Variants in UXS1 observed in about 807,000 individuals in gnomAD.
UXS1 encodes the protein UDP-glucuronic acid decarboxylase 1.
A neutral mutation model predicts 62.6 loss-of-function variants in UXS1; 33 were observed. The observed-to-expected ratio is 0.53, with a 90% CI of 0.40 to 0.70. The LOEUF (loss-of-function observed/expected upper bound fraction) is 0.70. UXS1 is among the 30% of genes least tolerant of loss of function. The pLI is 0.00. For missense variants in UXS1, 434 were observed against 556.3 expected (o/e 0.78, Z 2.21); for synonymous variants, 213 against 206.8 (o/e 1.03, Z -0.26).
chr2:106,178,757 C>A (rs1229440167), intron 1 of UXS1, among the ~76,000 whole-genome samples: 2 of 148,912 alleles, frequency 1.3e-5, no homozygotes, highest in Admixed American at 6.7e-5. Flanking sequence ...CACCCCCAGC[C>A]CCCTTTCCCC....
chr2:106,104,124 G>A (rs1677844758), intron 11 of UXS1, among the ~76,000 whole-genome samples: 2 of 152,128 alleles, frequency 1.3e-5, no homozygotes, highest in Non-Finnish European at 2.9e-5. Context: ...CAACAATTCA[G>A]GATACCAGAA....
intron 3 of UXS1, 39 bp downstream of exon 3, chr2:106,164,697 T>C (rs1683104936): frequency 3.5e-6 from 5 of 1,430,586 alleles, no homozygotes; most frequent in South Asian, 2.5e-5. Context: ...TTGACAAGTA[T>C]ACAGATGAAA....
chr2:106,178,959 G>A (rs931124383), intron 1 of UXS1, among the ~76,000 whole-genome samples: 1 of 152,218 alleles, frequency 6.6e-6, no homozygotes, highest in African/African-American at 2.4e-5. Flanking sequence ...GCAGGGCGGT[G>A]TTGATAAAGC....
Position 106,112,700 on chromosome 2 carries a change from ATCGT to A in UXS1, c.821_824del (p.Asn274MetfsTer4). ...GGATGAAGTTGCTGACTACTCGCCC[ATCGT>A]TCATGTGCATGCGTGGCCCAAAGGT... is the stretch of plus-strand genomic sequence containing the variant. On this transcript the variant is annotated frameshift_variant, in exon 10 of 15. Transcript: ENST00000283148. LOFTEE classifies it high-confidence loss of function. 1 of 1,613,962 alleles carries A rather than the reference ATCGT, an allele frequency of 6.2e-7. No homozygotes were observed. Among genetic ancestry groups the A allele is most frequent in the Non-Finnish European group, 8.5e-7 (1 of 1,179,878 alleles).
At chr2:106,144,840 C>T (rs1681432635) in intron 6 of UXS1, among the ~76,000 whole-genome samples, 1 of 152,162 alleles carries the variant, frequency 6.6e-6, no homozygotes, top group Non-Finnish European at 1.5e-5. Flanking sequence ...CCAAAGGCCC[C>T]ACCTCCTAAT....
chr2:106,184,587 G>T (rs1256832256), intron 1 of UXS1, among the ~76,000 whole-genome samples: 1 of 152,124 alleles, frequency 6.6e-6, no homozygotes, highest in Admixed American at 6.5e-5. Context: ...ATTCACAGAC[G>T]GTGCCTTCTT....
intron 1 of UXS1, among the ~76,000 whole-genome samples, chr2:106,188,192 C>T (rs1684694957): frequency 6.6e-6 from 1 of 152,196 alleles, no homozygotes; most frequent in Non-Finnish European, 1.5e-5. Flanking sequence ...CATATCCCTC[C>T]TCCCTGACTT....
At chr2:106,161,969 TTCTTA>T (rs1350634465) in intron 4 of UXS1, among the ~76,000 whole-genome samples, 2 of 152,244 alleles carry the variant, frequency 1.3e-5, no homozygotes, top group African/African-American at 4.8e-5. Flanking sequence ...TCCAGTTACA[TTCTTA>T]TCTTGTCAGT....
intron 9 of UXS1, among the ~76,000 whole-genome samples, chr2:106,119,833 A>G (rs773800806): frequency 6.6e-6 from 1 of 152,148 alleles, no homozygotes; most frequent in Non-Finnish European, 1.5e-5. Context: ...TCAACGTTTT[A>G]TATCTCTCAC....
chr2:106,171,269 A>G (rs991753142), intron 1 of UXS1, among the ~76,000 whole-genome samples: 3 of 146,094 alleles, frequency 2.1e-5, no homozygotes, highest in African/African-American at 7.7e-5. Context: ...CTTTTCCAAC[A>G]AAGAAAAAAT....
intron 1 of UXS1, among the ~76,000 whole-genome samples, chr2:106,193,161 A>G (rs12476906): frequency 0.025 from 3,751 of 152,148 alleles, 63 homozygotes; most frequent in Admixed American, 0.054. Flanking sequence ...CTAGAGCTCA[A>G]CTGAAGTCAC....
At chr2:106,119,703 T>G (rs1307121760) in intron 9 of UXS1, among the ~76,000 whole-genome samples, 1 of 152,152 alleles carries the variant, frequency 6.6e-6, no homozygotes, top group East Asian at 1.9e-4. Flanking sequence ...GTCCAGTGAT[T>G]TGCCCCAGAT....
intron 9 of UXS1, among the ~76,000 whole-genome samples, chr2:106,117,538 G>A (rs528779181): frequency 2.0e-5 from 3 of 152,218 alleles, no homozygotes; most frequent in South Asian, 2.1e-4. Flanking sequence ...ACACTGTAAC[G>A]TGATCACTAT....
chr2:106,179,630 T>G (rs1684116683), intron 1 of UXS1: 1 of 152,356 alleles, frequency 6.6e-6, no homozygotes, highest in Admixed American at 6.5e-5. Flanking sequence ...ATTCTATCCT[T>G]AAGGGGTTTC....
chr2:106,159,502 C>T (rs1401964786), intron 4 of UXS1: 3 of 152,278 alleles, frequency 2.0e-5, no homozygotes, highest in Non-Finnish European at 4.4e-5. Flanking sequence ...CCAGCCCACA[C>T]TGATGTCCCA....
chr2:106,099,142 C>A (rs572165253), intron 12 of UXS1, among the ~76,000 whole-genome samples: 1 of 152,326 alleles, frequency 6.6e-6, no homozygotes, highest in East Asian at 1.9e-4. Context: ...CTAACACTAT[C>A]TATTCCCGTC....
chr2:106,110,986 G>GAGCAAGGA (rs1177683707), intron 10 of UXS1, among the ~76,000 whole-genome samples: 4 of 152,184 alleles, frequency 2.6e-5, no homozygotes, highest in Admixed American at 1.3e-4. Flanking sequence ...AGGAGCAAGG[G>GAGCAAGGA]AGCAAGGAAG....
chr2:106,104,923 G>A lies in UXS1; in HGVS notation c.880-86C>T, dbSNP rs561523501. On this transcript the variant is annotated intron_variant, in intron 10 of 14. Transcript: ENST00000283148. ...CTTGAAACTCCAGGGGACACAGTCC[G>A]ACCTTGAAACTGATCCCAGGGGGCA... The A allele has an allele frequency of 4.7e-5, 72 of 1,545,644 alleles. No homozygotes were observed. In the East Asian group the frequency reaches 9.4e-4, roughly 20 times the overall value.
chr2:106,163,553 C>A (rs777309428), intron 4 of UXS1, 114 bp downstream of exon 4: 2 of 637,784 alleles, frequency 3.1e-6, no homozygotes, highest in East Asian at 6.8e-5. Context: ...GGGGGAAATG[C>A]GTATACAGAC....
Sources: allele counts gnomAD v4.1 joint callset (sites outside exome capture counted in the v4.1 genomes callset), GRCh38; gene constraint gnomAD v4.1.1; transcripts MANE v1.5; gene names NCBI Gene and HGNC (gene_info 2026-07-23, HGNC 2026-07-21).